USHBP1: variants seen among roughly 807,000 people sequenced by gnomAD.
USHBP1 encodes USH1 protein network component harmonin binding protein 1.
A neutral mutation model predicts 76.2 loss-of-function variants in USHBP1; 67 were observed. The observed-to-expected ratio is 0.88, with a 90% CI of 0.72 to 1.08. The LOEUF (loss-of-function observed/expected upper bound fraction) is 1.08, where lower values mean the gene tolerates loss of function less well. Ranked by LOEUF, USHBP1 falls within the 50% of genes least tolerant of loss-of-function variation. USHBP1 has a pLI of 0.00. For missense variants in USHBP1, 931 were observed against 915.0 expected (o/e 1.02, Z -0.23); for synonymous variants, 322 against 362.2 (o/e 0.89, Z 1.26).
chr19:17,261,339 T>TTC (rs1393520875), intron 4 of USHBP1, among the ~76,000 whole-genome samples: 299 of 144,342 alleles, frequency 2.1e-3, no homozygotes, highest in Non-Finnish European at 2.9e-3. Context: ...CTTTCTTTCT[T>TTC]TTTTTTTTTT....
In USHBP1 at chr19:17,259,736, C is replaced by A; in HGVS notation, c.769-4G>T. 1.9e-6 allele frequency: 3 copies of A among 1,606,988 alleles called. No individual in the cohort carries two copies. Among genetic ancestry groups the A allele is most frequent in the South Asian group, 1.1e-5 (1 of 89,850 alleles). Reference sequence around the variant, plus strand: ...GGTGAGCCAGGGAGAAGGAGTCCTGCCAAGAAGAAGTGATATAACTGACCC... The same window carrying A: ...GGTGAGCCAGGGAGAAGGAGTCCTGACAAGAAGAAGTGATATAACTGACCC... On this transcript the variant is annotated splice_polypyrimidine_tract_variant and splice_region_variant and intron_variant, in intron 5 of 12. Coordinates refer to ENST00000252597, the MANE Select transcript of USHBP1 (RefSeq NM_031941.4).
chr19:17,255,602 G>T lies in USHBP1; in HGVS notation c.1475C>A (p.Ala492Asp). The change falls in exon 10 of 13, where the codon GCC becomes GAC. Residue 492 changes from alanine to aspartate, a missense_variant. Coordinates refer to ENST00000252597, the MANE Select transcript of USHBP1 (RefSeq NM_031941.4). ...IQQDLVAARE[A>D]LADLMLRLQL... Reference sequence around the variant, plus strand: ...CAGCCGAAGCATCAGGTCCGCCAGGGCCTCCTGTGGGACCAAGGAGAGGGG... The same window carrying T: ...CAGCCGAAGCATCAGGTCCGCCAGGTCCTCCTGTGGGACCAAGGAGAGGGG... 1 of 1,609,430 alleles carries T rather than the reference G, an allele frequency of 6.2e-7. No individual in the cohort carries two copies. The highest frequency in any genetic ancestry group is 8.5e-7 in the Non-Finnish European group (1 of 1,177,536).
At chr19:17,252,921 CTA>C (rs1288475410) in intron 10 of USHBP1, among the ~76,000 whole-genome samples, 2 of 151,990 alleles carry the variant, frequency 1.3e-5, no homozygotes, top group African/African-American at 4.8e-5. Context: ...AAAACAAAAA[CTA>C]GAGATCCACT....
rs1568329182 is a variant in USHBP1 at position 17,263,970 on chromosome 19, G to A, written c.203+32C>T. On this transcript the variant is annotated intron_variant, in intron 3 of 12. Transcript: ENST00000252597. ...TGGATGGCAAAGATGCGTCTGGACTGGAGTGAAGGGCACAGACCAAGCGGG... is the reference window on the plus strand; with the variant it reads ...TGGATGGCAAAGATGCGTCTGGACTAGAGTGAAGGGCACAGACCAAGCGGG... 3.3e-6 allele frequency: 5 copies of A among 1,515,800 alleles called. No homozygotes were observed. In the South Asian group the frequency reaches 6.5e-5, roughly 20 times the overall value. 93.9% of individuals were successfully genotyped at this position (1,515,800 alleles called of 1,614,324 possible).
intron 6 of USHBP1, 58 bp from the exon 7 acceptor site, chr19:17,259,487 C>T: frequency 6.2e-7 from 1 of 1,609,180 alleles, no homozygotes; most frequent in South Asian, 1.1e-5. Flanking sequence ...AGTCAGGCCT[C>T]AATTTCCACC....
At chr19:17,251,444 G>T in intron 12 of USHBP1, 138 bp downstream of exon 12, 1 of 1,236,750 alleles carries the variant, frequency 8.1e-7, no homozygotes, top group Non-Finnish European at 1.1e-6. Context: ...GATTACAGGT[G>T]TGAGCCACCA....
intron 3 of USHBP1, 23 bp from the exon 4 acceptor site, chr19:17,263,013 T>C: frequency 6.6e-7 from 1 of 1,506,494 alleles, no homozygotes; most frequent in Middle Eastern, 1.8e-4. Flanking sequence ...ACTCAGGCAC[T>C]TGAGTCACTC....
At chr19:17,261,556 G>C (rs185087276) in intron 4 of USHBP1, among the ~76,000 whole-genome samples, 2 of 150,550 alleles carry the variant, frequency 1.3e-5, no homozygotes, top group Non-Finnish European at 3.0e-5. Flanking sequence ...GGATGGTCTC[G>C]ATCTCCTGAC....
At position 17,259,722 on chromosome 19, in the gene USHBP1, G is replaced by A. The variant is rs150046287; in HGVS notation, c.779C>T (p.Ser260Phe). The A allele has an allele frequency of 1.5e-3, 2,476 of 1,611,078 alleles. 2 individuals are homozygous for A. The highest frequency in any genetic ancestry group is 1.9e-3 in the Non-Finnish European group (2,196 of 1,178,830). ...REPWETQDSF[S>F]LAHPLLRRLR... ...GCGCCGAAGCAGGGGGTGAGCCAGG[G>A]AGAAGGAGTCCTGCCAAGAAGAAGT... The change falls in exon 6 of 13, where the codon TCC (serine) becomes TTC (phenylalanine). Residue 260 changes from serine (S) to phenylalanine (F), a missense_variant. Transcript: ENST00000252597.
intron 12 of USHBP1, among the ~76,000 whole-genome samples, chr19:17,251,303 A>G (rs2073548361): frequency 1.3e-5 from 2 of 151,004 alleles, no homozygotes; most frequent in South Asian, 4.2e-4. Flanking sequence ...AGCTGGAATT[A>G]CAGGCACGTG....
chr19:17,259,307 T>C lies in USHBP1; in HGVS notation c.1028A>G (p.His343Arg). The change falls in exon 7 of 13, where the codon CAT becomes CGT. Residue 343 changes from histidine to arginine, a missense_variant. His to Arg is a conservative substitution (Grantham distance 29). Transcript: ENST00000252597. Reference protein sequence around the residue: ...GQREAEATALHLALQYSEHCE... With the variant: ...GQREAEATALRLALQYSEHCE... Reference sequence around the variant, plus strand: ...CACTGACCTGTACTGCAAGGCCAGATGCAATGCTGTGGCCTCAGCCTCCCG... The same window carrying C: ...CACTGACCTGTACTGCAAGGCCAGACGCAATGCTGTGGCCTCAGCCTCCCG... The C allele has an allele frequency of 6.2e-7, 1 of 1,613,566 alleles. No individual in the cohort carries two copies. The highest frequency in any genetic ancestry group is 8.5e-7 in the Non-Finnish European group (1 of 1,179,820).
chr19:17,254,300 T>C (rs2073591356), intron 10 of USHBP1, among the ~76,000 whole-genome samples: 1 of 150,758 alleles, frequency 6.6e-6, no homozygotes, highest in Non-Finnish European at 1.5e-5. Context: ...TGAGCCGAGA[T>C]TGCACCACTG....
At chr19:17,250,620 C>T (rs975609842) in intron 12 of USHBP1, among the ~76,000 whole-genome samples, 13 of 151,384 alleles carry the variant, frequency 8.6e-5, no homozygotes, top group Non-Finnish European at 1.8e-4. Flanking sequence ...GTAAGATCTC[C>T]CCTCACTACA....
Position 17,256,590 on chromosome 19 carries a change from G to T in USHBP1, c.1351C>A (p.Pro451Thr), listed in dbSNP as rs1175062191. ...ILSEPGPTLA[P>T]MPTVPRAEAM... ...TCTGCACGGGGCACAGTGGGCATGG[G>T]TGCCAAGGTGGGGCCAGGCTCTGAG... The change falls in exon 9 of 13, where the codon CCC becomes ACC. Residue 451 changes from proline (P) to threonine (T), a missense_variant. By Grantham distance (38) the Pro-to-Thr change is conservative. Transcript: ENST00000252597. 1 of 1,614,096 alleles carries T rather than the reference G, an allele frequency of 6.2e-7. No homozygotes were observed. The highest frequency in any genetic ancestry group is 8.5e-7 in the Non-Finnish European group (1 of 1,180,040).
At chr19:17,250,534 A>T in intron 12 of USHBP1, 120 bp from the exon 13 acceptor site, 1 of 1,183,858 alleles carries the variant, frequency 8.4e-7, no homozygotes, top group Non-Finnish European at 1.2e-6. Context: ...GGTCCCAGCT[A>T]GCTGGTCTTT....
chr19:17,263,968 C>A, intron 3 of USHBP1, 34 bp downstream of exon 3: 4 of 1,509,448 alleles, frequency 2.6e-6, no homozygotes, highest in Non-Finnish European at 3.5e-6. Context: ...TGCGTCTGGA[C>A]TGGAGTGAAG....
chr19:17,262,928 T>TG lies in USHBP1; in HGVS notation c.265dup (p.His89ProfsTer101). On this transcript the variant is annotated frameshift_variant, in exon 4 of 13. Coordinates refer to ENST00000252597, the MANE Select transcript of USHBP1 (RefSeq NM_031941.4). LOFTEE classifies it high-confidence loss of function. ...TTGGTGGGCTTCCACTGCAGGTTTG[T>TG]GGGGCACTTCGGGGGCTGAGGCCAG... 5 of 1,556,644 alleles carry TG rather than the reference T, an allele frequency of 3.2e-6. No individual in the cohort carries two copies. The highest frequency in any genetic ancestry group is 4.3e-6 in the Non-Finnish European group (5 of 1,150,046).
In USHBP1 at chr19:17,255,528, G is replaced by A. The variant is rs2073608229; in HGVS notation, c.1549C>T (p.Leu517Phe). ...ACGTGAGCTGGACCCAGGGCTCGGA[G>A]GGCAGCCTCCCGCAGCTCTAGGCCC... ...KRGLELREAA[L>F]RALGPAHVLL... The change falls in exon 10 of 13, where the codon CTC becomes TTC. Residue 517 changes from leucine to phenylalanine, a missense_variant. Coordinates refer to ENST00000252597, the MANE Select transcript of USHBP1 (RefSeq NM_031941.4). 1.9e-6 allele frequency: 3 copies of A among 1,613,686 alleles called. No individual in the cohort carries two copies. The highest frequency in any genetic ancestry group is 1.3e-5 in the African/African-American group (1 of 74,928).
intron 9 of USHBP1, 121 bp from the exon 10 acceptor site, chr19:17,255,727 G>A (rs965580726): frequency 8.2e-6 from 9 of 1,099,872 alleles, no homozygotes; most frequent in East Asian, 2.6e-5. Context: ...TTGGCCAGGC[G>A]CAGTGGCTCA....
Sources: gnomAD v4.1 joint callset for allele counts (sites outside exome capture counted in the v4.1 genomes callset) on GRCh38, gnomAD v4.1.1 for gene constraint, MANE v1.5 for transcripts, NCBI Gene and HGNC (gene_info 2026-07-23, HGNC 2026-07-21) for gene names.